PTPN22: variants seen among roughly 807,000 people sequenced by gnomAD.
PTPN22 encodes the protein protein tyrosine phosphatase non-receptor type 22, also known as tyrosine-protein phosphatase non-receptor type 22.
In PTPN22, 85 loss-of-function variants were observed where a neutral mutation model predicts 103.3. The observed-to-expected ratio is 0.82, with a 90% CI of 0.69 to 0.99. The LOEUF (loss-of-function observed/expected upper bound fraction) is 0.99, where lower values mean the gene tolerates loss of function less well. PTPN22 is among the 50% of genes least tolerant of loss of function. PTPN22 has a pLI of 0.00. For missense variants in PTPN22, 865 were observed against 936.9 expected, an observed-to-expected ratio of 0.92 and a Z score of 1.00; for synonymous variants, 323 against 310.2, an observed-to-expected ratio of 1.04 and a Z score of -0.43.
chr1:113,848,609 G>T, exon 11 of PTPN22: 1 of 1,613,204 alleles, frequency 6.2e-7, no homozygotes. Flanking sequence ...CAGCATTGTA[G>T]ACCAGTTCAT....
chr1:113,865,470 G>A (rs1460767766), intron 1 of PTPN22, among the ~76,000 whole-genome samples: 6 of 152,112 alleles, frequency 3.9e-5, no homozygotes, highest in African/African-American at 9.7e-5. Flanking sequence ...ACGATTAAAC[G>A]AGATCACGTA....
intron 1 of PTPN22, among the ~76,000 whole-genome samples, chr1:113,864,648 GCT>G (rs1441038373): frequency 6.6e-6 from 1 of 150,598 alleles, no homozygotes; most frequent in African/African-American, 2.4e-5. Flanking sequence ...AGGCATGGTG[GCT>G]CACGCCTATA....
intron 11 of PTPN22, among the ~76,000 whole-genome samples, chr1:113,847,230 G>T: frequency 1.0e-5 from 1 of 97,998 alleles, no homozygotes. Flanking sequence ...TTTCTTTGCT[G>T]AGACTCTTTT....
At chr1:113,826,413 G>A (rs1662067905) in intron 18 of PTPN22, among the ~76,000 whole-genome samples, 1 of 109,788 alleles carries the variant, frequency 9.1e-6, no homozygotes, top group South Asian at 2.7e-4. Context: ...GGGAAGGGAA[G>A]GGAAGGGAAG....
chr1:113,855,023 A>C, exon 8 of PTPN22: 1 of 1,610,952 alleles, frequency 6.2e-7, no homozygotes, highest in Non-Finnish European at 8.5e-7. Flanking sequence ...AATTCTTGTA[A>C]TGAAACTGGT....
intron 1 of PTPN22, among the ~76,000 whole-genome samples, chr1:113,860,182 C>T (rs1029021523): frequency 4.6e-5 from 7 of 152,060 alleles, no homozygotes; most frequent in African/African-American, 1.7e-4. Context: ...GGGATTTCAC[C>T]ATGTTGCCCA....
intron 5 of PTPN22, 186 bp from the exon 6 acceptor site, chr1:113,856,805 A>C (rs1295042945): frequency 1.5e-6 from 1 of 685,446 alleles, no homozygotes; most frequent in Admixed American, 3.2e-5. Context: ...AAGGATATAT[A>C]AATTACAGAC....
chr1:113,819,701 C>T (rs1338018901), intron 19 of PTPN22, 47 bp from the exon 20 acceptor site: 2 of 1,299,648 alleles, frequency 1.5e-6, no homozygotes, highest in Non-Finnish European at 2.2e-6. Flanking sequence ...AAGACAGACT[C>T]AGATGACTGT....
chr1:113,858,024 C>A, intron 4 of PTPN22: 1 of 306,504 alleles, frequency 3.3e-6, no homozygotes, highest in East Asian at 5.4e-5. Context: ...AAGGTAAGAA[C>A]TTTCTCATTT....
chr1:113,861,184 T>A (rs1199146255), intron 1 of PTPN22, among the ~76,000 whole-genome samples: 3 of 152,212 alleles, frequency 2.0e-5, no homozygotes, highest in African/African-American at 7.2e-5. Flanking sequence ...AAACATCTTA[T>A]CTTAAGGTCA....
intron 11 of PTPN22, among the ~76,000 whole-genome samples, chr1:113,845,649 G>T (rs1232604868): frequency 6.6e-6 from 1 of 152,050 alleles, no homozygotes; most frequent in Admixed American, 6.6e-5. Context: ...ACTAGATTTT[G>T]TCAGTTAGTG....
intron 11 of PTPN22, among the ~76,000 whole-genome samples, chr1:113,844,176 A>C (rs1197304531): frequency 6.6e-6 from 1 of 151,836 alleles, no homozygotes; most frequent in Non-Finnish European, 1.5e-5. Context: ...TTTTAAAAAA[A>C]CCAGGCTGGA....
chr1:113,864,955 G>A lies in PTPN22; in HGVS notation c.88-5495C>T, dbSNP rs970707040. Among the ~76,000 whole-genome samples the A allele has an allele frequency of 3.3e-5, 5 of 152,236 alleles. No individual in the cohort carries two copies. The South Asian group carries it at 1.0e-3, about 32-fold the overall frequency. On this transcript the variant is annotated intron_variant, in intron 1 of 20. Coordinates refer to ENST00000359785, the Ensembl canonical transcript of PTPN22. ...TTACCAAATGTTATCTAGGTAAAGA[G>A]GAGTGTGAGGAATGTTCAAGGCGGA...
At chr1:113,826,886 G>T (rs905032159) in intron 18 of PTPN22, among the ~76,000 whole-genome samples, 1 of 151,272 alleles carries the variant, frequency 6.6e-6, no homozygotes, top group Non-Finnish European at 1.5e-5. Flanking sequence ...AGCCGGGATG[G>T]CCTCGATCTC....
intron 19 of PTPN22, among the ~76,000 whole-genome samples, chr1:113,820,735 A>C (rs1433755559): frequency 6.6e-6 from 1 of 152,140 alleles, no homozygotes; most frequent in Non-Finnish European, 1.5e-5. Flanking sequence ...ATTGCATATA[A>C]ATGGGAAGAT....
chr1:113,825,155 T>G (rs1558018536), exon 19 of PTPN22: 5 of 1,509,078 alleles, frequency 3.3e-6, no homozygotes, highest in Non-Finnish European at 4.5e-6. Context: ...TTTTCATGTT[T>G]CGCAAAATTT....
chr1:113,839,403 G>A (rs974404), intron 11 of PTPN22, among the ~76,000 whole-genome samples: 2 of 144,158 alleles, frequency 1.4e-5, no homozygotes, highest in South Asian at 2.1e-4. Context: ...TTTTTTTTTT[G>A]AATTAAGTTA....
At position 113,864,184 on chromosome 1, in the gene PTPN22, T is replaced by C. The variant is rs1237615405; in HGVS notation, c.88-4724A>G. ...TGCTATGAAAAATAACAAATGGTGC[T>C]AATAAGAACTTACAATAGAAGATTT... On this transcript the variant is annotated intron_variant, in intron 1 of 20. Transcript: ENST00000359785. 3 of 427,608 alleles carry C rather than the reference T, an allele frequency of 7.0e-6. No individual in the cohort carries two copies. The Admixed American group carries it at 8.3e-5, about 12-fold the overall frequency. 26.5% of individuals were successfully genotyped at this position (427,608 alleles called of 1,614,324 possible). A position where few individuals can be genotyped will look rare whatever the true frequency, so the allele number is the denominator to read the frequency against.
intron 1 of PTPN22, among the ~76,000 whole-genome samples, chr1:113,865,837 G>A (rs1483078124): frequency 1.3e-5 from 2 of 152,134 alleles, no homozygotes; most frequent in Non-Finnish European, 2.9e-5. Flanking sequence ...CTATGTCTCA[G>A]GAAGTTTATA....
Sources: gnomAD v4.1 joint callset for allele counts (sites outside exome capture counted in the v4.1 genomes callset) on GRCh38, gnomAD v4.1.1 for gene constraint, MANE v1.5 for transcripts, NCBI Gene and HGNC (gene_info 2026-07-23, HGNC 2026-07-21) for gene names.